Variants in STXBP6 observed in about 807,000 individuals in gnomAD.
STXBP6 encodes the protein syntaxin binding protein 6, also known as syntaxin-binding protein 6.
In STXBP6, 21 loss-of-function variants were observed where a neutral mutation model predicts 26.9. The observed-to-expected ratio is 0.78, with a 90% CI of 0.55 to 1.12. STXBP6 has a LOEUF of 1.12. STXBP6 is among the 50% of genes most tolerant of loss of function. The pLI, the probability that STXBP6 is intolerant of heterozygous loss-of-function variation, is 0.00. For synonymous variants in STXBP6, 97 were observed against 92.6 expected (o/e 1.05, Z -0.27); for missense variants, 232 against 257.9 (o/e 0.90, Z 0.69).
intron 2 of STXBP6, among the ~76,000 whole-genome samples, chr14:24,946,661 A>T (rs1401517208): frequency 6.6e-6 from 1 of 152,152 alleles, no homozygotes; most frequent in Non-Finnish European, 1.5e-5. Context: ...GTGAAGAAGA[A>T]ATTACAAGTG....
intron 1 of STXBP6, among the ~76,000 whole-genome samples, chr14:25,009,440 A>G (rs543002983): frequency 6.6e-6 from 1 of 152,332 alleles, no homozygotes; most frequent in South Asian, 2.1e-4. Context: ...AAACTATACA[A>G]TAAGTAACCA....
In STXBP6 at chr14:24,857,102, G is replaced by A. The variant is rs151054337; in HGVS notation, c.210C>T (p.Gly70=). 2.5e-6 allele frequency: 4 copies of A among 1,612,962 alleles called. No homozygotes were observed. The African/African-American group carries it at 5.3e-5, about 22-fold the overall frequency. Residue 70 remains glycine (G), a synonymous_variant, in exon 3 of 6, where the codon GGC becomes GGT. Coordinates refer to ENST00000323944, the MANE Select transcript of STXBP6 (RefSeq NM_001394410.1). ...ASITKVKQFE[G]STSFVRRSQW... ...GTGATCTCCGAACAAATGATGTGGA[G>A]CCTTCAAACTGTTTGACCTTTGTGA...
intron 1 of STXBP6, among the ~76,000 whole-genome samples, chr14:25,017,051 G>A (rs1952501): frequency 0.19 from 28,810 of 152,032 alleles, 3,989 homozygotes; most frequent in African/African-American, 0.4. Flanking sequence ...TCAGTAACCT[G>A]GTCAACTAGA....
intron 2 of STXBP6, among the ~76,000 whole-genome samples, chr14:24,882,696 C>T (rs1426527495): frequency 2.0e-5 from 3 of 152,138 alleles, no homozygotes; most frequent in Non-Finnish European, 4.4e-5. Flanking sequence ...CAAGGGAATA[C>T]ATTCATAAAT....
intron 5 of STXBP6, among the ~76,000 whole-genome samples, chr14:24,818,290 C>T (rs899842573): frequency 1.3e-5 from 2 of 152,194 alleles, no homozygotes; most frequent in Admixed American, 6.5e-5. Context: ...GCCTCTCTTT[C>T]CTTTGGTTTG....
At chr14:24,961,056 GATTCTTGTGGAC>G (rs765374223) in intron 2 of STXBP6, among the ~76,000 whole-genome samples, 10 of 152,178 alleles carry the variant, frequency 6.6e-5, no homozygotes, top group Non-Finnish European at 1.3e-4. Context: ...AATGACTAAG[GATTCTTGTGGAC>G]ATAAAAATCT....
chr14:24,979,322 CTAGT>C (rs1399203178), intron 1 of STXBP6, among the ~76,000 whole-genome samples: 1 of 152,158 alleles, frequency 6.6e-6, no homozygotes, highest in Non-Finnish European at 1.5e-5. Flanking sequence ...GTCTCATAAG[CTAGT>C]TAATGTGTCT....
At chr14:24,993,652 G>T (rs188172712) in intron 1 of STXBP6, among the ~76,000 whole-genome samples, 2 of 152,222 alleles carry the variant, frequency 1.3e-5, no homozygotes, top group African/African-American at 4.8e-5. Context: ...TTATGATATT[G>T]GGACTAGAAG....
chr14:24,838,688 A>G (rs1307733362), intron 4 of STXBP6, among the ~76,000 whole-genome samples: 1 of 152,016 alleles, frequency 6.6e-6, no homozygotes, highest in Non-Finnish European at 1.5e-5. Context: ...CGTCTCAAAA[A>G]AAAAAGAGAA....
In STXBP6 at chr14:24,991,753, T is replaced by C. The variant is rs573333135; in HGVS notation, c.-32-16903A>G. 5.3e-5 allele frequency among the ~76,000 whole-genome samples: 8 copies of C among 152,296 alleles called. No homozygotes were observed. The Middle Eastern group carries it at 0.01, about 194-fold the overall frequency. ...GGAAAGAATGCCTAGAAGACAAACT[T>C]TGGTGACAGATAAGTACATCTCTCA... On this transcript the variant is annotated intron_variant, in intron 1 of 5. Transcript: ENST00000323944.
intron 2 of STXBP6, among the ~76,000 whole-genome samples, chr14:24,935,283 T>C (rs966129902): frequency 7.2e-5 from 11 of 152,066 alleles, no homozygotes; most frequent in African/African-American, 1.7e-4. Context: ...ATTTATAATA[T>C]AGGAATCTCC....
At chr14:24,959,531 G>A (rs1367623426) in intron 2 of STXBP6, among the ~76,000 whole-genome samples, 1 of 152,156 alleles carries the variant, frequency 6.6e-6, no homozygotes, top group African/African-American at 2.4e-5. Flanking sequence ...CCAATTTCAT[G>A]GAAAAGGAGT....
rs144111733 is a variant in STXBP6, at chr14:24,993,445, C to A, written c.-32-18595G>T. 3.4e-3 allele frequency among the ~76,000 whole-genome samples: 518 copies of A among 152,256 alleles called. 1 individual carries two copies. Among genetic ancestry groups the A allele is most frequent in the African/African-American group, 0.011 (456 of 41,548 alleles). Reference sequence around the variant, plus strand: ...CACATCTACCCGCTTCTCTTTCTTGCCATTGCTCTAAATCAAGATGCCATC... The same window carrying A: ...CACATCTACCCGCTTCTCTTTCTTGACATTGCTCTAAATCAAGATGCCATC... On this transcript the variant is annotated intron_variant, in intron 1 of 5. Coordinates refer to ENST00000323944, the MANE Select transcript of STXBP6 (RefSeq NM_001394410.1).
intron 1 of STXBP6, among the ~76,000 whole-genome samples, chr14:24,992,322 C>A (rs2074494316): frequency 6.6e-6 from 1 of 152,104 alleles, no homozygotes; most frequent in Admixed American, 6.5e-5. Flanking sequence ...TGCCTCCTTA[C>A]CACAAACAAG....
chr14:24,848,529 C>T (rs1482046869), intron 4 of STXBP6, among the ~76,000 whole-genome samples: 3 of 152,042 alleles, frequency 2.0e-5, no homozygotes, highest in Non-Finnish European at 4.4e-5. Flanking sequence ...TTGGAAGTAC[C>T]TTTACGTAAG....
intron 2 of STXBP6, among the ~76,000 whole-genome samples, chr14:24,901,816 T>C (rs1197327146): frequency 7.3e-6 from 1 of 137,052 alleles, no homozygotes; most frequent in Non-Finnish European, 1.6e-5. Context: ...GGCATAACTA[T>C]GGTGATAAGA....
chr14:24,953,136 T>C (rs931319831), intron 2 of STXBP6, among the ~76,000 whole-genome samples: 6 of 152,136 alleles, frequency 3.9e-5, no homozygotes, highest in Non-Finnish European at 7.4e-5. Flanking sequence ...CCAACACTCC[T>C]TGACTCATGG....
At chr14:25,031,172 A>G (rs2075447482) in intron 1 of STXBP6, among the ~76,000 whole-genome samples, 1 of 152,256 alleles carries the variant, frequency 6.6e-6, no homozygotes, top group Non-Finnish European at 1.5e-5. Flanking sequence ...CTCCCCTTGT[A>G]CTGAACCAAT....
chr14:24,986,951 C>T (rs1030611734), intron 1 of STXBP6, among the ~76,000 whole-genome samples: 5 of 152,194 alleles, frequency 3.3e-5, no homozygotes, highest in African/African-American at 1.2e-4. Flanking sequence ...TATGCAAATT[C>T]AGGCTCTGCT....
Sources: allele counts gnomAD v4.1 joint callset (sites outside exome capture counted in the v4.1 genomes callset), GRCh38; gene constraint gnomAD v4.1.1; transcripts MANE v1.5; gene names NCBI Gene and HGNC (gene_info 2026-07-23, HGNC 2026-07-21).